Variants in TACR3 observed in about 807,000 individuals in gnomAD.
The protein encoded by TACR3 is tachykinin receptor 3.
Under a neutral mutation model 35.0 loss-of-function variants are expected in TACR3, and 34 were observed. The ratio of observed to expected loss-of-function variants is 0.97; its 90% CI spans 0.74 to 1.30. The LOEUF is 1.30. Among genes scored for constraint, TACR3 ranks in the 50% most tolerant of loss-of-function variants. The pLI is 0.00. For missense variants in TACR3, 558 were observed against 591.7 expected (o/e 0.94, Z 0.59); for synonymous variants, 233 against 221.1 (o/e 1.05, Z -0.48).
At chr4:103,714,343 A>G (rs988362691) in intron 1 of TACR3, among the ~76,000 whole-genome samples, 1 of 152,244 alleles carries the variant, frequency 6.6e-6, no homozygotes, top group East Asian at 1.9e-4. Context: ...CCATTCAATT[A>G]ATATATATTT....
intron 3 of TACR3, among the ~76,000 whole-genome samples, chr4:103,606,500 C>T (rs185411348): frequency 5.3e-5 from 8 of 152,008 alleles, no homozygotes; most frequent in South Asian, 2.1e-4. Context: ...TTTTATTTCA[C>T]TGAGCAGTGG....
chr4:103,659,450 G>A (rs1725793732), intron 1 of TACR3, among the ~76,000 whole-genome samples: 1 of 152,040 alleles, frequency 6.6e-6, no homozygotes, highest in Non-Finnish European at 1.5e-5. Flanking sequence ...CCACATACTT[G>A]ACAAAGATGT....
At chr4:103,690,700 A>G (rs913676889) in intron 1 of TACR3, among the ~76,000 whole-genome samples, 4 of 152,150 alleles carry the variant, frequency 2.6e-5, no homozygotes, top group African/African-American at 9.7e-5. Flanking sequence ...AATATGGAAT[A>G]TTCTCCAGGA....
chr4:103,604,421 G>A (rs568451572), intron 3 of TACR3, among the ~76,000 whole-genome samples: 81 of 152,024 alleles, frequency 5.3e-4, no homozygotes, highest in South Asian at 1.7e-3. Flanking sequence ...ACATAAGACC[G>A]AAAACCATAA....
chr4:103,705,030 G>C (rs563987762), intron 1 of TACR3, among the ~76,000 whole-genome samples: 1 of 151,824 alleles, frequency 6.6e-6, no homozygotes, highest in South Asian at 2.1e-4. Context: ...TTCTTTTCTT[G>C]GGAATTTTAG....
chr4:103,618,819 T>C (rs935595456), intron 3 of TACR3, among the ~76,000 whole-genome samples: 1 of 152,104 alleles, frequency 6.6e-6, no homozygotes, highest in Non-Finnish European at 1.5e-5. Context: ...ACCTCCTTGG[T>C]CAGTTGTATT....
intron 3 of TACR3, 50 bp from the exon 4 acceptor site, chr4:103,591,733 C>A: frequency 6.6e-7 from 1 of 1,511,058 alleles, no homozygotes; most frequent in Non-Finnish European, 9.0e-7. Context: ...CATAATAGTT[C>A]CAATAGCTTA....
intron 3 of TACR3, among the ~76,000 whole-genome samples, chr4:103,597,323 G>A (rs1724054220): frequency 6.6e-6 from 1 of 151,990 alleles, no homozygotes; most frequent in Non-Finnish European, 1.5e-5. Context: ...ATCTCATTGT[G>A]GTTTTGGTTT....
intron 3 of TACR3, among the ~76,000 whole-genome samples, chr4:103,607,633 GT>G (rs540988811): frequency 1.8e-4 from 28 of 152,122 alleles, no homozygotes; most frequent in Admixed American, 1.5e-3. Context: ...TTAATCTATT[GT>G]ATACTTAGAT....
chr4:103,718,988 G>A (rs950305523), intron 1 of TACR3, 140 bp downstream of exon 1: 4 of 1,197,236 alleles, frequency 3.3e-6, no homozygotes, highest in Non-Finnish European at 4.8e-6. Flanking sequence ...ATGGGTTAGT[G>A]TCCTCCTTTC....
intron 1 of TACR3, among the ~76,000 whole-genome samples, chr4:103,713,666 G>A (rs1281112309): frequency 1.3e-5 from 2 of 151,758 alleles, no homozygotes; most frequent in Non-Finnish European, 2.9e-5. Context: ...CAATTAGACA[G>A]AAAAAAATAG....
intron 3 of TACR3, among the ~76,000 whole-genome samples, chr4:103,633,214 C>G (rs1353670743): frequency 6.6e-6 from 1 of 151,824 alleles, no homozygotes; most frequent in East Asian, 1.9e-4. Flanking sequence ...GATGACACTA[C>G]TAAATGAGAT....
At chr4:103,605,956 A>C (rs1724349560) in intron 3 of TACR3, among the ~76,000 whole-genome samples, 1 of 151,880 alleles carries the variant, frequency 6.6e-6, no homozygotes, top group African/African-American at 2.4e-5. Context: ...TTATGGTTTT[A>C]GGTCGTACGT....
intron 1 of TACR3, among the ~76,000 whole-genome samples, chr4:103,687,612 CAG>C (rs1722280749): frequency 1.3e-5 from 2 of 151,998 alleles, no homozygotes; most frequent in African/African-American, 4.8e-5. Context: ...AACAGACAAA[CAG>C]AGAGCCAAAT....
chr4:103,586,788 A>G lies in TACR3; in HGVS notation c.*2894T>C, dbSNP rs1723780050. 1 of 152,094 alleles carries G rather than the reference A, an allele frequency of 6.6e-6. No homozygotes were observed. The highest frequency in any genetic ancestry group is 6.6e-5 in the Admixed American group (1 of 15,242). 9.4% of individuals were successfully genotyped at this position (152,094 alleles called of 1,614,324 possible). A position where few individuals can be genotyped will look rare whatever the true frequency, so the allele number is the denominator to read the frequency against. On this transcript the variant is annotated 3_prime_UTR_variant, in exon 5 of 5. Coordinates refer to ENST00000304883, the MANE Select transcript of TACR3 (RefSeq NM_001059.3). ...AAAAAAGTGTGAGAGTGAATTCTGTAACAATTATGTCCGCTTTAATATTTT... is the reference window on the plus strand; with the variant it reads ...AAAAAAGTGTGAGAGTGAATTCTGTGACAATTATGTCCGCTTTAATATTTT...
chr4:103,597,142 G>A (rs1252418436), intron 3 of TACR3, among the ~76,000 whole-genome samples: 2 of 144,744 alleles, frequency 1.4e-5, no homozygotes, highest in African/African-American at 2.6e-5. Context: ...GGGTCAAATG[G>A]TATTTCTAGT....
chr4:103,594,049 T>C (rs1373237811), intron 3 of TACR3, among the ~76,000 whole-genome samples: 2 of 152,208 alleles, frequency 1.3e-5, no homozygotes, highest in African/African-American at 2.4e-5. Context: ...TCTAAGATTT[T>C]AGTCAGTTAT....
intron 1 of TACR3, among the ~76,000 whole-genome samples, chr4:103,689,836 C>G (rs1450865050): frequency 1.3e-5 from 2 of 152,024 alleles, no homozygotes; most frequent in Admixed American, 1.3e-4. Context: ...CCACAAATAT[C>G]AAAAGCTCAA....
At chr4:103,662,370 G>A (rs557090911) in intron 1 of TACR3, among the ~76,000 whole-genome samples, 19 of 152,104 alleles carry the variant, frequency 1.2e-4, no homozygotes, top group East Asian at 9.7e-4. Flanking sequence ...ACAGATGCCC[G>A]CCACCACGCC....
Sources: gnomAD v4.1 joint callset for allele counts (sites outside exome capture counted in the v4.1 genomes callset) on GRCh38, gnomAD v4.1.1 for gene constraint, MANE v1.5 for transcripts, NCBI Gene and HGNC (gene_info 2026-07-23, HGNC 2026-07-21) for gene names.